HDX: variants seen among roughly 807,000 people sequenced by gnomAD.
HDX encodes the protein highly divergent homeobox.
In HDX, 19 loss-of-function variants were observed where a neutral mutation model predicts 45.2. The observed-to-expected ratio is 0.42, with a 90% confidence interval of 0.29 to 0.62. The LOEUF is 0.62. Among genes scored for constraint, HDX ranks in the 20% least tolerant of loss-of-function variants. The pLI, the probability that HDX is intolerant of heterozygous loss-of-function variation, is 0.20. For missense variants in HDX, 532 were observed against 493.9 expected (o/e 1.08, Z -0.73); for synonymous variants, 188 against 172.8 (o/e 1.09, Z -0.69).
intron 5 of HDX, among the ~76,000 whole-genome samples, chrX:84,366,298 G>A (rs1011252840): frequency 4.5e-5 from 5 of 111,402 alleles, no homozygotes; most frequent in African/African-American, 1.6e-4. Context: ...ACCTCTTCAA[G>A]GAGAACTACA....
At chrX:84,344,554 T>G in intron 6 of HDX, 97 bp from the exon 7 acceptor site, 1 of 539,688 alleles carries the variant, frequency 1.9e-6, no homozygotes, top group Non-Finnish European at 3.1e-6. Context: ...AAAATATGAT[T>G]TAAAGGAATA....
chrX:84,424,962 A>G (rs1264113356), intron 5 of HDX, among the ~76,000 whole-genome samples: 1 of 111,525 alleles, frequency 9.0e-6, no homozygotes, highest in African/African-American at 3.3e-5. Flanking sequence ...AAAATGGACA[A>G]ATGGAATCAC....
At position 84,448,840 on chromosome X, in the gene HDX, G is replaced by T. The variant is rs183473019; in HGVS notation, c.1252-8255C>A. ...ACCAGAAAAAATAATTTAAAATATT[G>T]ATTATAAAGCAGCTCAGGGAGATAC... On this transcript the variant is annotated intron_variant, in intron 4 of 10. Coordinates refer to ENST00000373177, the MANE Select transcript of HDX (RefSeq NM_001177479.2). Among the ~76,000 whole-genome samples, 419 of 109,728 alleles carry T rather than the reference G, an allele frequency of 3.8e-3. 2 individuals carry two copies. Among genetic ancestry groups the T allele is most frequent in the African/African-American group, 0.013 (390 of 30,178 alleles).
At chrX:84,488,603 C>T (rs904263256) in intron 1 of HDX, among the ~76,000 whole-genome samples, 2 of 110,634 alleles carry the variant, frequency 1.8e-5, no homozygotes, top group Non-Finnish European at 3.8e-5. Flanking sequence ...ATGAAAATTC[C>T]CCAGTTGCCA....
intron 6 of HDX, among the ~76,000 whole-genome samples, chrX:84,355,813 CA>C (rs762111428): frequency 2.8e-5 from 3 of 107,328 alleles, no homozygotes; most frequent in Admixed American, 1.0e-4. Context: ...ACGCACGTAA[CA>C]AACCTGCACA....
chrX:84,351,058 C>G (rs1371828027), intron 6 of HDX, among the ~76,000 whole-genome samples: 1 of 109,655 alleles, frequency 9.1e-6, no homozygotes, highest in African/African-American at 3.3e-5. Flanking sequence ...TATCTATCAT[C>G]TATCTATCTT....
At chrX:84,379,887 A>G (rs1004840191) in intron 5 of HDX, among the ~76,000 whole-genome samples, 6 of 111,427 alleles carry the variant, frequency 5.4e-5, no homozygotes, top group Non-Finnish European at 9.5e-5. Context: ...ACCAAAAATG[A>G]AATTGAAATG....
intron 5 of HDX, among the ~76,000 whole-genome samples, chrX:84,397,999 C>G (rs1418752365): frequency 9.1e-6 from 1 of 110,431 alleles, no homozygotes; most frequent in African/African-American, 3.3e-5. Context: ...TATCCAGGTT[C>G]TCTCATCCTG....
intron 5 of HDX, among the ~76,000 whole-genome samples, chrX:84,386,550 G>C (rs2038324998): frequency 9.0e-6 from 1 of 111,384 alleles, no homozygotes; most frequent in Non-Finnish European, 1.9e-5. Flanking sequence ...GGTGTATTCT[G>C]GGTTTCAATG....
At chrX:84,396,845 G>A (rs1455412836) in intron 5 of HDX, among the ~76,000 whole-genome samples, 1 of 111,095 alleles carries the variant, frequency 9.0e-6, no homozygotes, top group Non-Finnish European at 1.9e-5. Context: ...TGGCATGAGG[G>A]GGTGAAGCTG....
chrX:84,468,430 A>G, intron 4 of HDX, 42 bp downstream of exon 4: 1 of 879,128 alleles, frequency 1.1e-6, no homozygotes, highest in Non-Finnish European at 1.6e-6. Flanking sequence ...CTGGATACAC[A>G]CACAGTTTTT....
intron 4 of HDX, among the ~76,000 whole-genome samples, chrX:84,460,431 G>A (rs899819587): frequency 1.5e-4 from 17 of 111,734 alleles, no homozygotes; most frequent in Non-Finnish European, 2.3e-4. Flanking sequence ...ACAAAATGAA[G>A]GAACAAAACC....
intron 7 of HDX, among the ~76,000 whole-genome samples, chrX:84,338,080 A>G (rs761740446): frequency 5.4e-5 from 6 of 111,461 alleles, no homozygotes; most frequent in Non-Finnish European, 1.1e-4. Flanking sequence ...AGGAAGCAGA[A>G]CAAAAATATT....
chrX:84,419,106 GC>G (rs1464447058), intron 5 of HDX, among the ~76,000 whole-genome samples: 2 of 111,776 alleles, frequency 1.8e-5, no homozygotes, highest in African/African-American at 6.5e-5. Flanking sequence ...TAAATGAAGA[GC>G]CCTTGGGCCC....
At chrX:84,489,605 T>C (rs1602553907) in intron 1 of HDX, among the ~76,000 whole-genome samples, 1 of 110,711 alleles carries the variant, frequency 9.0e-6, no homozygotes, top group East Asian at 2.9e-4. Flanking sequence ...AAAGAAAGAG[T>C]TTTAAACTCA....
intron 5 of HDX, among the ~76,000 whole-genome samples, chrX:84,367,949 T>G (rs1156957776): frequency 8.9e-6 from 1 of 111,785 alleles, no homozygotes; most frequent in Non-Finnish European, 1.9e-5. Flanking sequence ...TGTATACCTA[T>G]GTAACAAATC....
chrX:84,360,510 A>G lies in HDX; in HGVS notation c.1452+956T>C, dbSNP rs1325760982. On this transcript the variant is annotated intron_variant, in intron 6 of 10. Coordinates refer to ENST00000373177, the MANE Select transcript of HDX (RefSeq NM_001177479.2). ...CAGTGCTGTGCACCAGTCACCACTA[A>G]CTAATCTAGAACATTTTCATCATGC... Among the ~76,000 whole-genome samples the G allele has an allele frequency of 5.4e-5, 6 of 111,622 alleles. No individual in the cohort carries two copies. In the Admixed American group the frequency reaches 5.7e-4, roughly 11 times the overall value.
At chrX:84,433,405 G>A (rs2039549404) in intron 5 of HDX, among the ~76,000 whole-genome samples, 1 of 111,319 alleles carries the variant, frequency 9.0e-6, no homozygotes, top group African/African-American at 3.3e-5. Context: ...TCTTCTGCTG[G>A]TGAATATCCA....
Position 84,318,900 on chromosome X carries a change from A to G in HDX, c.*2989T>C, listed in dbSNP as rs2036548212. On this transcript the variant is annotated 3_prime_UTR_variant, in exon 11 of 11. Transcript: ENST00000373177. ...TCCATGAAGAGGCCAATTTTCTTTT[A>G]AGGTTTTCTTTGCATGTGCTAATTT... is the stretch of plus-strand genomic sequence containing the variant. The G allele has an allele frequency of 9.0e-6, 1 of 111,232 alleles. No individual in the cohort carries two copies. The highest frequency in any genetic ancestry group is 1.9e-5 in the Non-Finnish European group (1 of 52,590). 9.2% of individuals were successfully genotyped at this position (111,232 alleles called of 1,213,427 possible).
Sources: gnomAD v4.1 joint callset for allele counts (sites outside exome capture counted in the v4.1 genomes callset) on GRCh38, gnomAD v4.1.1 for gene constraint, MANE v1.5 for transcripts, NCBI Gene and HGNC (gene_info 2026-07-23, HGNC 2026-07-21) for gene names.